PIK3IP1: variants seen among roughly 807,000 people sequenced by gnomAD.
PIK3IP1 encodes the protein phosphoinositide-3-kinase-interacting protein 1.
PIK3IP1 carries 28 observed loss-of-function variants against 30.7 expected under a neutral mutation model. The observed-to-expected ratio is 0.91, with a 90% CI of 0.68 to 1.25. The LOEUF (loss-of-function observed/expected upper bound fraction) is 1.25, where lower values mean the gene tolerates loss of function less well. Ranked by LOEUF, PIK3IP1 falls within the 50% of genes most tolerant of loss-of-function variation. The pLI, the probability that PIK3IP1 is intolerant of heterozygous loss-of-function variation, is 0.00. For missense variants in PIK3IP1, 333 were observed against 346.2 expected (o/e 0.96, Z 0.30); for synonymous variants, 159 against 140.8 (o/e 1.13, Z -0.91).
Position 31,290,605 on chromosome 22 carries a change from T to C in PIK3IP1, c.307+360A>G, listed in dbSNP as rs1265789546. On this transcript the variant is annotated intron_variant, in intron 3 of 5. Coordinates refer to ENST00000215912, the MANE Select transcript of PIK3IP1 (RefSeq NM_052880.5). ...TTCCCGCGGTGTGTGTCAGGGGAGG[T>C]TGGGGAGCTGGGGTTGTGAGCAGTG... 7 of 199,518 alleles carry C rather than the reference T, an allele frequency of 3.5e-5. 1 individual carries two copies. Among genetic ancestry groups the C allele is most frequent in the Middle Eastern group, 1.7e-3 (1 of 578 alleles). 12.4% of individuals were successfully genotyped at this position (199,518 alleles called of 1,614,324 possible). A position where few individuals can be genotyped will look rare whatever the true frequency, so the allele number is the denominator to read the frequency against.
At position 31,283,286 on chromosome 22, in the gene PIK3IP1, C is replaced by T; in HGVS notation, c.590G>A (p.Gly197Glu). The T allele has an allele frequency of 6.2e-7, 1 of 1,606,654 alleles. No individual in the cohort carries two copies. Among genetic ancestry groups the T allele is most frequent in the Non-Finnish European group, 8.5e-7 (1 of 1,179,544 alleles). Residue 197 changes from glycine (G) to glutamate (E), a missense_variant and splice_region_variant, in exon 6 of 6, where the codon GGG (glycine) becomes GAG (glutamate). Physicochemically the swap from Gly to Glu is moderately conservative, Grantham distance 98 (BLOSUM62 -2). This residue lies in a region of PIK3IP1 where 217 missense variants were observed against 227.7 expected (regional missense o/e 0.95). Transcript: ENST00000215912. ...ATCATGCTGTTCTTTCAAATCCTTC[C>T]CCCTGGCAGGAAAAAAACAAACAAA... ...GIILGYSYKRGKDLKEQHDQK... is the reference protein window; with the variant it reads ...GIILGYSYKREKDLKEQHDQK...
At chr22:31,286,170 TAATC>T (rs1308806820) in intron 5 of PIK3IP1, among the ~76,000 whole-genome samples, 1 of 152,052 alleles carries the variant, frequency 6.6e-6, no homozygotes, top group African/African-American at 2.4e-5. Flanking sequence ...GAAAAAAAGA[TAATC>T]AGGGAAGAGC....
At chr22:31,284,053 C>T (rs140325428) in intron 5 of PIK3IP1, among the ~76,000 whole-genome samples, 5 of 152,108 alleles carry the variant, frequency 3.3e-5, no homozygotes, top group Admixed American at 2.0e-4. Flanking sequence ...TACAGGCATG[C>T]GCCACCACGC....
intron 5 of PIK3IP1, among the ~76,000 whole-genome samples, chr22:31,287,014 C>CTTTTTTTTT (rs11427273): frequency 1.0e-5 from 1 of 98,642 alleles, no homozygotes; most frequent in Non-Finnish European, 2.0e-5. Flanking sequence ...CCATTACCCA[C>CTTTTTTTTT]TTTTTTTTTT....
chr22:31,283,338 T>C, intron 5 of PIK3IP1, 50 bp from the exon 6 acceptor site: 1 of 1,572,832 alleles, frequency 6.4e-7, no homozygotes, highest in Non-Finnish European at 8.7e-7. Context: ...CCTGCATAGC[T>C]TTGCTCATTA....
intron 5 of PIK3IP1, among the ~76,000 whole-genome samples, chr22:31,285,809 ACT>A (rs2049126994): frequency 1.3e-5 from 2 of 152,294 alleles, no homozygotes; most frequent in East Asian, 3.9e-4. Flanking sequence ...ATTGTACTTA[ACT>A]CTGCTAGGTC....
Position 31,289,530 on chromosome 22 carries a change from G to A in PIK3IP1, c.477C>T (p.Asn159=), listed in dbSNP as rs55940931. The change falls in exon 4 of 6, where the codon AAC becomes AAT. Residue 159 remains asparagine, a synonymous_variant. Transcript: ENST00000215912. ...VIGISQRVRM[N]SKEKKDLGTL... ...TTCCCAGGTCCTTTTTCTCCTTGGAGTTCATCCGCACCCGCTGGCTGATCC... is the reference window on the plus strand; with the variant it reads ...TTCCCAGGTCCTTTTTCTCCTTGGAATTCATCCGCACCCGCTGGCTGATCC... 23 of 1,542,434 alleles carry A rather than the reference G, an allele frequency of 1.5e-5. No individual in the cohort carries two copies. Among genetic ancestry groups the A allele is most frequent in the Non-Finnish European group, 1.9e-5 (22 of 1,142,034 alleles).
chr22:31,292,062 CAGAG>C (rs895609335), intron 1 of PIK3IP1, among the ~76,000 whole-genome samples: 2 of 152,304 alleles, frequency 1.3e-5, no homozygotes, highest in South Asian at 2.1e-4. Flanking sequence ...CAAGGAAAGG[CAGAG>C]AGAAAGTGGC....
At chr22:31,288,334 G>A (rs575700554) in intron 5 of PIK3IP1, among the ~76,000 whole-genome samples, 31 of 145,674 alleles carry the variant, frequency 2.1e-4, no homozygotes, top group Non-Finnish European at 4.5e-4. Flanking sequence ...AGCCGTGATC[G>A]CACCACTGCA....
Position 31,292,399 on chromosome 22 carries a change from C to T in PIK3IP1, c.-55G>A. The T allele has an allele frequency of 6.4e-7, 1 of 1,559,602 alleles. No individual in the cohort carries two copies. Among genetic ancestry groups the T allele is most frequent in the African/African-American group, 1.4e-5 (1 of 73,898 alleles). On this transcript the variant is annotated 5_prime_UTR_variant, in exon 1 of 6. Transcript: ENST00000215912. ...AACGACCAGTGTTTAACCGAGGCCC[C>T]CTTGGCGGCGGCTCTGCCTCCCAGT...
intron 3 of PIK3IP1, chr22:31,290,660 A>C: frequency 2.9e-6 from 1 of 342,660 alleles, no homozygotes; most frequent in Non-Finnish European, 5.3e-6. Context: ...ACGCTCCGCA[A>C]ACGGTCAATA....
At chr22:31,284,270 A>G (rs1468849568) in intron 5 of PIK3IP1, among the ~76,000 whole-genome samples, 1 of 152,232 alleles carries the variant, frequency 6.6e-6, no homozygotes, top group African/African-American at 2.4e-5. Context: ...TGCTTTCCTC[A>G]GCAACCTCCT....
Position 31,282,983 on chromosome 22 carries a change from T to A in PIK3IP1, c.*101A>T. ...ATTCGCCAAAAAAGCGGGGGAGTGG[T>A]AGGGTTTTAACCAGAACACAAAGTG... On this transcript the variant is annotated 3_prime_UTR_variant, in exon 6 of 6. Transcript: ENST00000215912. 1.1e-6 allele frequency: 1 copy of A among 901,172 alleles called. No individual in the cohort carries two copies. Among genetic ancestry groups the A allele is most frequent in the Non-Finnish European group, 1.7e-6 (1 of 603,308 alleles). The allele number at this position is 901,172 out of a possible 1,614,324, so 55.8% of individuals were successfully genotyped here.
chr22:31,289,554 C>A lies in PIK3IP1; in HGVS notation c.453G>T (p.Gly151=). The A allele has an allele frequency of 6.4e-7, 1 of 1,557,230 alleles. No homozygotes were observed. The highest frequency in any genetic ancestry group is 8.7e-7 in the Non-Finnish European group (1 of 1,148,518). ...SEAAAVQPVI[G]ISQRVRMNSK... is the part of the protein sequence containing the mutation. ...AGTTCATCCGCACCCGCTGGCTGAT[C>A]CCAATCACTGGCTGCACAGCTGCCG... Residue 151 remains glycine (G), a synonymous_variant, in exon 4 of 6, where the codon GGG becomes GGT. Transcript: ENST00000215912.
rs141171195 is a variant in PIK3IP1 at position 31,290,823 on chromosome 22, C to A, written c.307+142G>T. 1,219 of 1,271,502 alleles carry A rather than the reference C, an allele frequency of 9.6e-4. 14 individuals carry two copies. The African/African-American group carries it at 0.016, about 17-fold the overall frequency. The allele number at this position is 1,271,502 out of a possible 1,614,324, so 78.8% of individuals were successfully genotyped here. A position where few individuals can be genotyped will look rare whatever the true frequency, so the allele number is the denominator to read the frequency against. On this transcript the variant is annotated intron_variant, in intron 3 of 5. Coordinates refer to ENST00000215912, the MANE Select transcript of PIK3IP1 (RefSeq NM_052880.5). ...GCCAATAGGCTTTGAGCCCCGCGGC[C>A]TGGAGACAGCCCTGGCCAATCGGAC...
intron 5 of PIK3IP1, among the ~76,000 whole-genome samples, chr22:31,286,974 C>T (rs1037915253): frequency 1.3e-5 from 2 of 151,166 alleles, no homozygotes; most frequent in Admixed American, 1.3e-4. Context: ...CCTCTGCTTC[C>T]TGCATCATAA....
chr22:31,285,668 T>C (rs1162972314), intron 5 of PIK3IP1, among the ~76,000 whole-genome samples: 71 of 152,240 alleles, frequency 4.7e-4, no homozygotes. Flanking sequence ...CCCAGCCTTT[T>C]TTTAAATTTC....
At chr22:31,288,942 T>C (rs1405209726) in intron 5 of PIK3IP1, 1 of 419,626 alleles carries the variant, frequency 2.4e-6, no homozygotes, top group Admixed American at 4.0e-5. Context: ...TCAAGCCTGA[T>C]TTCTGCAGTG....
intron 5 of PIK3IP1, 54 bp from the exon 6 acceptor site, chr22:31,283,342 C>T (rs1352389703): frequency 6.4e-6 from 10 of 1,573,864 alleles, no homozygotes; most frequent in Non-Finnish European, 8.7e-6. Context: ...CATAGCTTTG[C>T]TCATTAGATA....
Sources: gnomAD v4.1 joint callset for allele counts (sites outside exome capture counted in the v4.1 genomes callset) on GRCh38, gnomAD v4.1.1 for gene constraint, gnomAD v4.1.1 regional missense constraint, MANE v1.5 for transcripts, NCBI Gene and HGNC (gene_info 2026-07-23, HGNC 2026-07-21) for gene names.